Variants in NOL4 observed in about 807,000 individuals in gnomAD.
The protein encoded by NOL4 is nucleolar protein 4, also known as cancer/testis antigen 125.
Under a neutral mutation model 75.9 loss-of-function variants are expected in NOL4, and 17 were observed. The ratio of observed to expected loss-of-function variants is 0.22; its 90% CI spans 0.15 to 0.34. The LOEUF (loss-of-function observed/expected upper bound fraction) is 0.34, where lower values mean the gene tolerates loss of function less well. Among genes scored for constraint, NOL4 ranks in the 10% least tolerant of loss-of-function variants. The pLI is 1.00. For synonymous variants in NOL4, 292 were observed against 289.9 expected (o/e 1.01, Z -0.07); for missense variants, 614 against 793.5 (o/e 0.77, Z 2.72).
intron 1 of NOL4, among the ~76,000 whole-genome samples, chr18:34,167,189 G>A (rs1251195835): frequency 6.6e-6 from 1 of 151,686 alleles, no homozygotes; most frequent in Non-Finnish European, 1.5e-5. Context: ...GATGTGCATA[G>A]GTTATATGCA....
At chr18:34,139,586 T>C (rs1483221578) in intron 1 of NOL4, among the ~76,000 whole-genome samples, 1 of 152,152 alleles carries the variant, frequency 6.6e-6, no homozygotes, top group Non-Finnish European at 1.5e-5. Flanking sequence ...TTATTAGTCT[T>C]GCTAGCGCTC....
intron 1 of NOL4, among the ~76,000 whole-genome samples, chr18:34,157,337 T>C (rs898684278): frequency 6.6e-6 from 1 of 152,182 alleles, no homozygotes; most frequent in East Asian, 1.9e-4. Flanking sequence ...ATGGCCCTCA[T>C]GCTTCTGATC....
At chr18:34,187,575 G>A (rs2034583997) in intron 1 of NOL4, among the ~76,000 whole-genome samples, 1 of 151,986 alleles carries the variant, frequency 6.6e-6, no homozygotes, top group Non-Finnish European at 1.5e-5. Flanking sequence ...TTTTAGTAGA[G>A]ACGGGGTTTC....
intron 1 of NOL4, among the ~76,000 whole-genome samples, chr18:34,137,911 T>G (rs2080966723): frequency 6.6e-6 from 1 of 151,896 alleles, no homozygotes; most frequent in South Asian, 2.1e-4. Flanking sequence ...AAGTGGGAAC[T>G]CAAATGTCCA....
chr18:34,183,805 G>C (rs767910460), intron 1 of NOL4, among the ~76,000 whole-genome samples: 2 of 151,964 alleles, frequency 1.3e-5, no homozygotes, highest in African/African-American at 4.8e-5. Context: ...AGTGGTTAGA[G>C]GAGCTGTCTA....
chr18:34,003,390 C>G (rs930756350), intron 6 of NOL4, among the ~76,000 whole-genome samples: 1 of 151,834 alleles, frequency 6.6e-6, no homozygotes, highest in African/African-American at 2.4e-5. Context: ...TATCGTACAC[C>G]CTGAATAAAT....
intron 10 of NOL4, among the ~76,000 whole-genome samples, chr18:33,869,071 T>C (rs2063568256): frequency 6.6e-6 from 1 of 151,958 alleles, no homozygotes; most frequent in South Asian, 2.1e-4. Flanking sequence ...AACAAATATG[T>C]AGGTACCTAT....
At chr18:34,047,538 A>G (rs2076436013) in intron 5 of NOL4, among the ~76,000 whole-genome samples, 1 of 152,240 alleles carries the variant, frequency 6.6e-6, no homozygotes, top group South Asian at 2.1e-4. Flanking sequence ...GTTATATATT[A>G]ATATAATATG....
intron 6 of NOL4, among the ~76,000 whole-genome samples, chr18:33,991,434 T>C (rs1179706363): frequency 1.3e-5 from 2 of 152,118 alleles, no homozygotes; most frequent in Non-Finnish European, 1.5e-5. Flanking sequence ...TAACATCTAC[T>C]CTGTTGACAG....
chr18:33,952,890 C>T (rs1453606260), intron 8 of NOL4, among the ~76,000 whole-genome samples: 1 of 152,214 alleles, frequency 6.6e-6, no homozygotes, highest in Non-Finnish European at 1.5e-5. Flanking sequence ...TGCCATTGCA[C>T]TCCAGCCTGG....
At chr18:34,103,970 T>G in intron 4 of NOL4, 77 bp downstream of exon 4, 1 of 937,716 alleles carries the variant, frequency 1.1e-6, no homozygotes, top group Admixed American at 1.8e-5. Context: ...AATGCCATCA[T>G]GCTTAATATG....
chr18:34,022,608 A>G (rs1420924708), intron 5 of NOL4, among the ~76,000 whole-genome samples: 2 of 152,092 alleles, frequency 1.3e-5, no homozygotes, highest in Non-Finnish European at 2.9e-5. Flanking sequence ...AAAGAAGAGC[A>G]CAATGAAAAT....
At chr18:34,088,177 A>G (rs1232089081) in intron 5 of NOL4, among the ~76,000 whole-genome samples, 1 of 152,036 alleles carries the variant, frequency 6.6e-6, no homozygotes, top group Non-Finnish European at 1.5e-5. Flanking sequence ...GGTTCTTAGA[A>G]AAGTATCCTT....
chr18:34,145,010 C>A (rs2081339770), intron 1 of NOL4, among the ~76,000 whole-genome samples: 1 of 152,106 alleles, frequency 6.6e-6, no homozygotes, highest in Non-Finnish European at 1.5e-5. Flanking sequence ...TTCTTCCTAA[C>A]TCCTATTCTC....
intron 9 of NOL4, among the ~76,000 whole-genome samples, chr18:33,930,514 T>C (rs1044058211): frequency 6.6e-6 from 1 of 152,190 alleles, no homozygotes; most frequent in East Asian, 1.9e-4. Flanking sequence ...TTTTGGAAGA[T>C]TACACCTTAC....
At chr18:34,038,398 C>T (rs1224840070) in intron 5 of NOL4, among the ~76,000 whole-genome samples, 1 of 151,836 alleles carries the variant, frequency 6.6e-6, no homozygotes, top group African/African-American at 2.4e-5. Context: ...GATATCCATC[C>T]AAAGGAAATC....
chr18:33,949,244 A>C (rs1282877656), intron 8 of NOL4, among the ~76,000 whole-genome samples: 2 of 152,138 alleles, frequency 1.3e-5, no homozygotes, highest in Admixed American at 1.3e-4. Flanking sequence ...TAGTAGTTCA[A>C]CTGTCCTTAT....
At chr18:34,170,637 T>C (rs2032941194) in intron 1 of NOL4, among the ~76,000 whole-genome samples, 1 of 152,246 alleles carries the variant, frequency 6.6e-6, no homozygotes, top group Admixed American at 6.5e-5. Context: ...TACTTTAAAA[T>C]GACTACTAGA....
At chr18:34,216,067 G>T (rs538347498) in intron 1 of NOL4, among the ~76,000 whole-genome samples, 1 of 152,134 alleles carries the variant, frequency 6.6e-6, no homozygotes, top group Non-Finnish European at 1.5e-5. Context: ...GACCTGTGTT[G>T]TTCAAGGATC....
Sources: allele counts gnomAD v4.1 joint callset (sites outside exome capture counted in the v4.1 genomes callset), GRCh38; gene constraint gnomAD v4.1.1; transcripts MANE v1.5; gene names NCBI Gene and HGNC (gene_info 2026-07-23, HGNC 2026-07-21).